Variants in ST7 observed in about 807,000 individuals in gnomAD.
The protein encoded by ST7 is suppressor of tumorigenicity 7 protein.
ST7 carries 28 observed loss-of-function variants against 78.7 expected under a neutral mutation model. The observed-to-expected ratio is 0.36, with a 90% CI of 0.26 to 0.49. The LOEUF (loss-of-function observed/expected upper bound fraction) is 0.49, where lower values mean the gene tolerates loss of function less well. ST7 is among the 20% of genes least tolerant of loss of function. The probability of loss-of-function intolerance (pLI) is 0.99; values close to 1 mark genes in which losing one functional copy is unlikely to be tolerated. For missense variants in ST7, 418 were observed against 696.0 expected (o/e 0.60, Z 4.49); for synonymous variants, 247 against 249.6 (o/e 0.99, Z 0.10).
At chr7:116,972,503 C>G in intron 1 of ST7, 2 of 994,546 alleles carry the variant, frequency 2.0e-6, no homozygotes, top group Non-Finnish European at 3.1e-6. Flanking sequence ...AAGTCTCTTT[C>G]AATGATCACC....
rs1036847445 is a variant in ST7 at position 116,994,900 on chromosome 7, C to T, written c.151+41209C>T. ...TTTTCTGTTCGCTCTTTCATACTTA[C>T]TTTTCACTCTTTTTTTTACCGTTTC... On this transcript the variant is annotated intron_variant, in intron 1 of 15. Coordinates refer to ENST00000323984, the MANE Select transcript of ST7 (RefSeq NM_001369598.1). 2.0e-5 allele frequency among the ~76,000 whole-genome samples: 3 copies of T among 152,288 alleles called. No homozygotes were observed. The East Asian group carries it at 5.8e-4, about 29-fold the overall frequency.
intron 15 of ST7, chr7:117,223,065 G>GGAAACTC: frequency 1.1e-6 from 1 of 945,320 alleles, no homozygotes. Context: ...TGCTCAAGCC[G>GGAAACTC]GAAACTCGGC....
At chr7:117,015,551 T>A (rs528946074) in intron 1 of ST7, among the ~76,000 whole-genome samples, 2 of 152,340 alleles carry the variant, frequency 1.3e-5, no homozygotes, top group African/African-American at 4.8e-5. Flanking sequence ...TTTCCTTTTT[T>A]AAATTGCATA....
At chr7:117,031,839 T>TGTGTGTATATATATG (rs1172295682) in intron 1 of ST7, among the ~76,000 whole-genome samples, 57 of 123,926 alleles carry the variant, frequency 4.6e-4, no homozygotes, top group East Asian at 3.6e-3. Context: ...TATATCTATA[T>TGTGTGTATATATATG]CTATATCTAT....
chr7:116,977,247 C>CTAAG (rs1258548974), intron 1 of ST7, among the ~76,000 whole-genome samples: 11 of 152,168 alleles, frequency 7.2e-5, no homozygotes, highest in Admixed American at 7.2e-4. Context: ...ATTGACCCCA[C>CTAAG]TAAGTAAGTA....
intron 1 of ST7, among the ~76,000 whole-genome samples, chr7:117,040,549 A>AGGG (rs1797158828): frequency 6.6e-6 from 1 of 152,224 alleles, no homozygotes; most frequent in African/African-American, 2.4e-5. Flanking sequence ...CGCATAGTAA[A>AGGG]TACCCTCTCT....
intron 1 of ST7, among the ~76,000 whole-genome samples, chr7:117,059,945 C>T: frequency 6.6e-6 from 1 of 151,876 alleles, no homozygotes; most frequent in East Asian, 1.9e-4. Flanking sequence ...ATCGCACTAC[C>T]CCACTTCACC....
chr7:117,112,056 A>G (rs957660396), intron 2 of ST7, among the ~76,000 whole-genome samples: 1 of 152,136 alleles, frequency 6.6e-6, no homozygotes, highest in African/African-American at 2.4e-5. Flanking sequence ...ATATTTGTGT[A>G]TATGTATATA....
At chr7:117,197,822 G>A (rs1320193796) in intron 12 of ST7, among the ~76,000 whole-genome samples, 1 of 152,146 alleles carries the variant, frequency 6.6e-6, no homozygotes, top group Non-Finnish European at 1.5e-5. Context: ...GGTTCATCAC[G>A]CCTGTAATTC....
intron 13 of ST7, among the ~76,000 whole-genome samples, chr7:117,211,457 C>T (rs1222260044): frequency 6.6e-6 from 1 of 152,136 alleles, no homozygotes; most frequent in Non-Finnish European, 1.5e-5. Flanking sequence ...GAGAAAGAGA[C>T]AGAAAAGCCC....
At chr7:117,131,006 G>T (rs573823621) in intron 5 of ST7, among the ~76,000 whole-genome samples, 1 of 151,814 alleles carries the variant, frequency 6.6e-6, no homozygotes, top group South Asian at 2.1e-4. Context: ...ACTTTTATTT[G>T]CCTATTTATA....
At chr7:116,964,829 A>G (rs943792431) in intron 1 of ST7, among the ~76,000 whole-genome samples, 1 of 152,248 alleles carries the variant, frequency 6.6e-6, no homozygotes, top group African/African-American at 2.4e-5. Flanking sequence ...GAAGTTGTAT[A>G]TGCATTATCA....
intron 1 of ST7, among the ~76,000 whole-genome samples, chr7:116,988,299 T>C (rs1794272557): frequency 6.6e-6 from 1 of 152,200 alleles, no homozygotes; most frequent in Non-Finnish European, 1.5e-5. Context: ...GGTAGAAAAT[T>C]AGGTTTTGAG....
At chr7:117,063,512 G>A (rs911565260) in intron 1 of ST7, among the ~76,000 whole-genome samples, 1 of 151,990 alleles carries the variant, frequency 6.6e-6, no homozygotes, top group African/African-American at 2.4e-5. Context: ...AGTTCAAGAC[G>A]AGCCTGGGCA....
chr7:117,144,117 T>A (rs1805553695), intron 9 of ST7: 1 of 152,174 alleles, frequency 6.6e-6, no homozygotes, highest in Non-Finnish European at 1.5e-5. Flanking sequence ...AACTATATTG[T>A]TCAAACAAAA....
intron 1 of ST7, among the ~76,000 whole-genome samples, chr7:117,025,148 C>T (rs1796124263): frequency 6.6e-6 from 1 of 152,172 alleles, no homozygotes; most frequent in Admixed American, 6.5e-5. Context: ...ATGTGCATCT[C>T]AGGCCATTGT....
intron 9 of ST7, among the ~76,000 whole-genome samples, chr7:117,163,698 C>T (rs542976072): frequency 7.2e-5 from 11 of 152,090 alleles, no homozygotes; most frequent in Non-Finnish European, 1.2e-4. Flanking sequence ...ACATTAATCC[C>T]GTCAGAGAAG....
At chr7:116,974,737 A>AAATG (rs1158106309) in intron 1 of ST7, among the ~76,000 whole-genome samples, 1 of 152,212 alleles carries the variant, frequency 6.6e-6, no homozygotes, top group African/African-American at 2.4e-5. Context: ...ATAGGAGTGC[A>AAATG]AATGTCTGTT....
At chr7:117,159,229 T>A (rs1366680109) in intron 9 of ST7, among the ~76,000 whole-genome samples, 1 of 152,242 alleles carries the variant, frequency 6.6e-6, no homozygotes, top group Non-Finnish European at 1.5e-5. Flanking sequence ...TCTGCCTTTT[T>A]TTCCCATTTG....
Sources: allele counts gnomAD v4.1 joint callset (sites outside exome capture counted in the v4.1 genomes callset), GRCh38; gene constraint gnomAD v4.1.1; transcripts MANE v1.5; gene names NCBI Gene and HGNC (gene_info 2026-07-23, HGNC 2026-07-21).